AP4S1: variants seen among roughly 807,000 people sequenced by gnomAD.
AP4S1 encodes AP-4 complex subunit sigma-1.
AP4S1 carries 23 observed loss-of-function variants against 19.8 expected under a neutral mutation model. The ratio of observed to expected loss-of-function variants is 1.16; its 90% CI spans 0.84 to 1.65. AP4S1 has a LOEUF of 1.65. AP4S1 is among the 40% of genes most tolerant of loss of function. AP4S1 has a pLI of 0.00. For synonymous variants in AP4S1, 46 were observed against 54.1 expected, an observed-to-expected ratio of 0.85 and a Z score of 0.66; for missense variants, 166 against 172.8, an observed-to-expected ratio of 0.96 and a Z score of 0.22.
chr14:31,034,393 T>G (rs1472847821), intron 1 of AP4S1, among the ~76,000 whole-genome samples: 1 of 152,122 alleles, frequency 6.6e-6, no homozygotes, highest in East Asian at 1.9e-4. Context: ...GCTTCTTTTG[T>G]TTTATAGTTT....
In AP4S1 at chr14:31,077,578, C is replaced by A. The variant is rs28606430; in HGVS notation, c.295-2995C>A. On this transcript the variant is annotated intron_variant, in intron 4 of 5. Transcript: ENST00000542754. Reference sequence around the variant, plus strand: ...GACAAATTCTGGGCCCCATCCCAGACCATTGCATCAGAAGCTGTAGGTCAA... The same window carrying A: ...GACAAATTCTGGGCCCCATCCCAGAACATTGCATCAGAAGCTGTAGGTCAA... Among the ~76,000 whole-genome samples the A allele has an allele frequency of 5.9e-3, 891 of 152,288 alleles. 10 individuals are homozygous for A. The highest frequency in any genetic ancestry group is 0.02 in the African/African-American group (849 of 41,558).
intron 5 of AP4S1, chr14:31,084,681 T>C: frequency 6.3e-7 from 1 of 1,588,732 alleles, no homozygotes; most frequent in Admixed American, 1.8e-5. Context: ...TTGTGAAGCC[T>C]GTTTCTACAG....
chr14:31,069,838 T>C lies in AP4S1; in HGVS notation c.139-5T>C. ...GGAATTAATATCTCATTGTGTTTTG[T>C]CTAGTGCTCTTTCATTGAATATAAG... On this transcript the variant is annotated splice_polypyrimidine_tract_variant and splice_region_variant and intron_variant, in intron 2 of 5. Transcript: ENST00000542754. 4 of 1,604,098 alleles carry C rather than the reference T, an allele frequency of 2.5e-6. No individual in the cohort carries two copies. The highest frequency in any genetic ancestry group is 2.6e-6 in the Non-Finnish European group (3 of 1,170,902).
chr14:31,092,785 T>C (rs375088446), intron 5 of AP4S1, 122 bp from the exon 6 acceptor site: 2 of 690,882 alleles, frequency 2.9e-6, no homozygotes. Flanking sequence ...TTTCAGAAAT[T>C]TTGTACAAAA....
chr14:31,077,065 G>A (rs1887398538), intron 4 of AP4S1, among the ~76,000 whole-genome samples: 1 of 152,140 alleles, frequency 6.6e-6, no homozygotes, highest in Non-Finnish European at 1.5e-5. Context: ...AAGTAGCTGG[G>A]ATTACAGGCA....
At chr14:31,045,914 A>G (rs1885372339) in intron 1 of AP4S1, among the ~76,000 whole-genome samples, 1 of 151,730 alleles carries the variant, frequency 6.6e-6, no homozygotes, top group African/African-American at 2.4e-5. Flanking sequence ...AGAGAGTTGG[A>G]AATTTCATCC....
intron 5 of AP4S1, among the ~76,000 whole-genome samples, chr14:31,090,349 G>A (rs1050681682): frequency 2.6e-5 from 4 of 152,206 alleles, no homozygotes; most frequent in Non-Finnish European, 4.4e-5. Context: ...GGAGCCCTAC[G>A]ATGTTCAATT....
At chr14:31,050,504 C>G (rs1026580361) in intron 1 of AP4S1, among the ~76,000 whole-genome samples, 1 of 152,012 alleles carries the variant, frequency 6.6e-6, no homozygotes, top group Non-Finnish European at 1.5e-5. Context: ...TGTTTAGAGA[C>G]AGGGTCTTGC....
chr14:31,079,800 T>G lies in AP4S1; in HGVS notation c.295-773T>G, dbSNP rs953679813. ...AAGATCATGCCACTGCACTCCAGCC[T>G]GGGCGACAGACTGACTCCAAATAAA... On this transcript the variant is annotated intron_variant, in intron 4 of 5. Transcript: ENST00000542754. 3.9e-5 allele frequency among the ~76,000 whole-genome samples: 6 copies of G among 152,204 alleles called. No homozygotes were observed. The East Asian group carries it at 1.2e-3, about 29-fold the overall frequency.
At chr14:31,079,594 G>A (rs944765948) in intron 4 of AP4S1, among the ~76,000 whole-genome samples, 115 of 152,244 alleles carry the variant, frequency 7.6e-4, no homozygotes, top group African/African-American at 2.7e-3. Flanking sequence ...GGAGGCTGAG[G>A]CAGGTGGATT....
intron 1 of AP4S1, among the ~76,000 whole-genome samples, chr14:31,046,661 C>T (rs1011307639): frequency 3.3e-5 from 5 of 152,006 alleles, no homozygotes; most frequent in African/African-American, 9.7e-5. Context: ...CAGGATAACA[C>T]GGTGAAACCC....
intron 3 of AP4S1, among the ~76,000 whole-genome samples, chr14:31,072,369 G>T (rs1035933372): frequency 6.6e-6 from 1 of 151,660 alleles, no homozygotes; most frequent in Non-Finnish European, 1.5e-5. Flanking sequence ...GAGCCATCAC[G>T]CATGGCCTTT....
chr14:31,076,434 T>A (rs1887363510), intron 4 of AP4S1, among the ~76,000 whole-genome samples: 1 of 152,262 alleles, frequency 6.6e-6, no homozygotes, highest in Non-Finnish European at 1.5e-5. Context: ...CATCTTTTCA[T>A]ATGTTTATTA....
At chr14:31,076,669 A>G (rs1887375225) in intron 4 of AP4S1, among the ~76,000 whole-genome samples, 1 of 152,102 alleles carries the variant, frequency 6.6e-6, no homozygotes, top group African/African-American at 2.4e-5. Flanking sequence ...CCCCCAATGA[A>G]TTGTCTTGGC....
At chr14:31,067,112 G>A (rs1220936365) in intron 2 of AP4S1, among the ~76,000 whole-genome samples, 4 of 151,774 alleles carry the variant, frequency 2.6e-5, no homozygotes, top group South Asian at 4.2e-4. Context: ...TGGGGAGGCC[G>A]AGGCAGGATT....
At chr14:31,046,113 A>C (rs1332225378) in intron 1 of AP4S1, among the ~76,000 whole-genome samples, 4 of 151,496 alleles carry the variant, frequency 2.6e-5, no homozygotes, top group Non-Finnish European at 5.9e-5. Context: ...ATTACATACC[A>C]CGCCCAACTA....
intron 1 of AP4S1, among the ~76,000 whole-genome samples, chr14:31,044,036 T>C (rs1885256416): frequency 1.3e-5 from 2 of 152,198 alleles, no homozygotes; most frequent in South Asian, 4.1e-4. Flanking sequence ...AAACATTTAT[T>C]TTACAGCTAG....
intron 1 of AP4S1, among the ~76,000 whole-genome samples, chr14:31,036,037 A>C (rs970053105): frequency 1.3e-5 from 2 of 149,662 alleles, no homozygotes; most frequent in East Asian, 4.1e-4. Context: ...GCCAGAGACC[A>C]GGTTATTTAT....
chr14:31,053,086 A>AC (rs1885897666), intron 1 of AP4S1, among the ~76,000 whole-genome samples: 1 of 151,746 alleles, frequency 6.6e-6, no homozygotes, highest in African/African-American at 2.4e-5. Flanking sequence ...GATTATAGGC[A>AC]CCCACCACCA....
Sources: allele counts gnomAD v4.1 joint callset (sites outside exome capture counted in the v4.1 genomes callset), GRCh38; gene constraint gnomAD v4.1.1; transcripts MANE v1.5; gene names NCBI Gene and HGNC (gene_info 2026-07-23, HGNC 2026-07-21).